RBMS1: variants seen among roughly 807,000 people sequenced by gnomAD.
The protein encoded by RBMS1 is RNA binding motif single stranded interacting protein 1.
A neutral mutation model predicts 62.3 loss-of-function variants in RBMS1; 17 were observed. The observed-to-expected ratio is 0.27, with a 90% CI of 0.19 to 0.41. RBMS1 has a LOEUF of 0.41. Ranked by LOEUF, RBMS1 falls within the 10% of genes least tolerant of loss-of-function variation. The pLI, the probability that RBMS1 is intolerant of heterozygous loss-of-function variation, is 1.00. For missense variants in RBMS1, 334 were observed against 504.5 expected, an observed-to-expected ratio of 0.66 and a Z score of 3.24; for synonymous variants, 172 against 170.0, an observed-to-expected ratio of 1.01 and a Z score of -0.09.
At chr2:160,367,165 T>C (rs778535026) in intron 2 of RBMS1, 51 bp downstream of exon 2, 2 of 1,554,494 alleles carry the variant, frequency 1.3e-6, no homozygotes, top group Admixed American at 3.3e-5. Flanking sequence ...CTCTATAATA[T>C]GATCAAGAAA....
At chr2:160,456,101 A>C (rs540076037) in intron 1 of RBMS1, among the ~76,000 whole-genome samples, 1 of 152,244 alleles carries the variant, frequency 6.6e-6, no homozygotes, top group Non-Finnish European at 1.5e-5. Flanking sequence ...ACCTACAGGC[A>C]ATGTGAAAAG....
At chr2:160,475,874 T>G (rs7595982) in intron 1 of RBMS1, among the ~76,000 whole-genome samples, 52,136 of 141,842 alleles carry the variant, frequency 0.37, 9,388 homozygotes, top group East Asian at 0.8. Context: ...TTTTTTTTTT[T>G]GAGAAGGGTT....
At chr2:160,426,225 GAAAGAAAGAAAGAAA>G (rs1682571180) in intron 1 of RBMS1, among the ~76,000 whole-genome samples, 1 of 77,984 alleles carries the variant, frequency 1.3e-5, no homozygotes, top group Non-Finnish European at 2.5e-5. Flanking sequence ...ACAGAAGAAA[GAAAGAAAGAAAGAAA>G]GAAAGAAAGA....
intron 1 of RBMS1, among the ~76,000 whole-genome samples, chr2:160,482,265 C>A (rs74763135): frequency 0.015 from 2,280 of 152,202 alleles, 72 homozygotes; most frequent in African/African-American, 0.052. Flanking sequence ...ATACAACCAA[C>A]CAACAAAGAT....
chr2:160,486,288 C>T (rs73008348), intron 1 of RBMS1, among the ~76,000 whole-genome samples: 3 of 152,108 alleles, frequency 2.0e-5, no homozygotes, highest in Admixed American at 6.6e-5. Flanking sequence ...CTCCACCCCC[C>T]ACCCCCAGTC....
intron 2 of RBMS1, among the ~76,000 whole-genome samples, chr2:160,333,193 G>A (rs1307360188): frequency 6.6e-6 from 1 of 151,968 alleles, no homozygotes; most frequent in Non-Finnish European, 1.5e-5. Flanking sequence ...GGGAAAGGCA[G>A]GGATATGAAA....
intron 2 of RBMS1, among the ~76,000 whole-genome samples, chr2:160,326,100 C>G (rs1422606863): frequency 6.6e-6 from 1 of 152,092 alleles, no homozygotes; most frequent in Non-Finnish European, 1.5e-5. Flanking sequence ...AAGGAGAATG[C>G]TTGGCAAGAA....
intron 2 of RBMS1, among the ~76,000 whole-genome samples, chr2:160,364,863 C>A (rs1221276713): frequency 1.3e-5 from 2 of 152,128 alleles, no homozygotes; most frequent in African/African-American, 4.8e-5. Flanking sequence ...TCCTTCGTTA[C>A]CCCCCTAATT....
chr2:160,274,885 G>C (rs1421430672), intron 13 of RBMS1, 121 bp from the exon 14 acceptor site: 1 of 152,610 alleles, frequency 6.6e-6, no homozygotes, highest in Non-Finnish European at 1.5e-5. Context: ...GCTCATCACT[G>C]ATGGTAGACT....
At chr2:160,383,669 C>G (rs1694410481) in intron 1 of RBMS1, among the ~76,000 whole-genome samples, 1 of 152,086 alleles carries the variant, frequency 6.6e-6, no homozygotes, top group African/African-American at 2.4e-5. Flanking sequence ...CTCCTTCTAG[C>G]TATTTGAAAC....
chr2:160,378,807 A>C lies in RBMS1; in HGVS notation c.76-11416T>G, dbSNP rs72974974. Among the ~76,000 whole-genome samples the C allele has an allele frequency of 3.3e-3, 499 of 152,348 alleles. 2 individuals are homozygous for C. The highest frequency in any genetic ancestry group is 0.01 in the Middle Eastern group (3 of 294). On this transcript the variant is annotated intron_variant, in intron 1 of 13. Coordinates refer to ENST00000348849, the MANE Select transcript of RBMS1 (RefSeq NM_016836.4). The stretch of plus-strand genomic sequence containing the variant: ...AGTTACTTCATACTCTGTTTCTTTA[A>C]AAATAAAATGGAGAGATTTGTAAGA...
chr2:160,387,437 G>A (rs766811029), intron 1 of RBMS1, among the ~76,000 whole-genome samples: 3 of 151,922 alleles, frequency 2.0e-5, no homozygotes, highest in East Asian at 3.9e-4. Context: ...CAGGTTTTAG[G>A]GATGGTGCCT....
intron 2 of RBMS1, among the ~76,000 whole-genome samples, chr2:160,333,934 A>C (rs1312248534): frequency 6.6e-6 from 1 of 152,166 alleles, no homozygotes; most frequent in Non-Finnish European, 1.5e-5. Context: ...ACTTAAAAAA[A>C]AAAGAGATAA....
chr2:160,283,248 A>G (rs1427937076), intron 9 of RBMS1: 1 of 152,240 alleles, frequency 6.6e-6, no homozygotes, highest in Non-Finnish European at 1.5e-5. Flanking sequence ...AGTGACATAT[A>G]AATGACAGAG....
chr2:160,493,139 T>C lies in RBMS1; in HGVS notation c.75+150A>G, dbSNP rs1002548999. On this transcript the variant is annotated intron_variant, in intron 1 of 13. Transcript: ENST00000348849. ...CGCCGCCCCGCGCGCCGCCCGGCTC[T>C]GCCCAGGCCAGCGCTATAGTTAGCA... 1.1e-4 allele frequency: 83 copies of C among 740,298 alleles called. No individual in the cohort carries two copies. The East Asian group carries it at 1.4e-3, about 13-fold the overall frequency. The allele number at this position is 740,298 out of a possible 1,614,324, so 45.9% of individuals were successfully genotyped here. A position where few individuals can be genotyped will look rare whatever the true frequency, so the allele number is the denominator to read the frequency against.
rs569322847 is a variant in RBMS1 at position 160,374,262 on chromosome 2, A to AAAAC, written c.76-6875_76-6872dup. ...AGAGCGAGACCTTGTCTCAAAAACA[A>AAAAC]AAACAAACAAACAAACAAAAACAAT... On this transcript the variant is annotated intron_variant, in intron 1 of 13. Transcript: ENST00000348849. Among the ~76,000 whole-genome samples the AAAAC allele has an allele frequency of 4.3e-3, 654 of 152,292 alleles. 3 individuals are homozygous for AAAAC. The highest frequency in any genetic ancestry group is 6.8e-3 in the Non-Finnish European group (464 of 68,004).
At chr2:160,280,082 T>A (rs144778264) in intron 10 of RBMS1, among the ~76,000 whole-genome samples, 6 of 152,206 alleles carry the variant, frequency 3.9e-5, no homozygotes, top group Non-Finnish European at 5.9e-5. Context: ...GTGGAGCAGT[T>A]TCCTGCTCCT....
chr2:160,407,883 C>G (rs1348403569), intron 1 of RBMS1: 5 of 981,032 alleles, frequency 5.1e-6, no homozygotes, highest in Middle Eastern at 5.2e-4. Flanking sequence ...CCCCACCTAC[C>G]GCGGCCTCAA....
chr2:160,272,328 G>C lies in RBMS1; in HGVS notation c.*2444C>G, dbSNP rs1416834302. ...ATAAGTTACCACTGGCAAGTCTGTG[G>C]CACTAGTAAAACAAAAATAAAAAAT... On this transcript the variant is annotated 3_prime_UTR_variant, in exon 14 of 14. Coordinates refer to ENST00000348849, the MANE Select transcript of RBMS1 (RefSeq NM_016836.4). 6.6e-6 allele frequency: 1 copy of C among 151,966 alleles called. No individual in the cohort carries two copies. 9.4% of individuals were successfully genotyped at this position (151,966 alleles called of 1,614,324 possible).
Sources: allele counts gnomAD v4.1 joint callset (sites outside exome capture counted in the v4.1 genomes callset), GRCh38; gene constraint gnomAD v4.1.1; transcripts MANE v1.5; gene names NCBI Gene and HGNC (gene_info 2026-07-23, HGNC 2026-07-21).